FAM171B: variants seen among roughly 807,000 people sequenced by gnomAD.
The protein encoded by FAM171B is family with sequence similarity 171 member B, also known as protein FAM171B.
FAM171B carries 19 observed loss-of-function variants against 75.6 expected under a neutral mutation model. The observed-to-expected ratio is 0.25, with a 90% CI of 0.18 to 0.37. The LOEUF (loss-of-function observed/expected upper bound fraction) is 0.37, where lower values mean the gene tolerates loss of function less well. FAM171B is among the 10% of genes least tolerant of loss of function. The pLI is 1.00. For missense variants in FAM171B, 848 were observed against 982.4 expected (o/e 0.86, Z 1.83); for synonymous variants, 367 against 361.7 (o/e 1.01, Z -0.17).
chr2:186,699,925 T>A (rs7419327), intron 1 of FAM171B, among the ~76,000 whole-genome samples: 47,336 of 152,030 alleles, frequency 0.31, 8,040 homozygotes, highest in Non-Finnish European at 0.39. Flanking sequence ...TGAAAATGAG[T>A]TCACTGTAGA....
intron 4 of FAM171B, 29 bp from the exon 5 acceptor site, chr2:186,751,105 T>C (rs1382055043): frequency 1.3e-6 from 2 of 1,530,746 alleles, no homozygotes; most frequent in East Asian, 2.3e-5. Flanking sequence ...TGTTTACATA[T>C]GATTTTAATA....
intron 1 of FAM171B, among the ~76,000 whole-genome samples, chr2:186,702,126 C>T (rs973524501): frequency 9.2e-5 from 14 of 152,116 alleles, no homozygotes; most frequent in South Asian, 4.1e-4. Context: ...CTGAGAAATG[C>T]GTCATTAGGT....
intron 4 of FAM171B, among the ~76,000 whole-genome samples, chr2:186,750,081 A>G (rs1690427312): frequency 6.6e-6 from 1 of 152,210 alleles, no homozygotes. Flanking sequence ...TATTTGTTAA[A>G]TGAATGAACA....
intron 5 of FAM171B, 138 bp downstream of exon 5, chr2:186,751,442 C>A: frequency 1.5e-6 from 1 of 666,212 alleles, no homozygotes; most frequent in Non-Finnish European, 2.2e-6. Context: ...CCAAAATTGA[C>A]TTCACTTTGA....
intron 4 of FAM171B, among the ~76,000 whole-genome samples, chr2:186,748,513 C>T (rs1035316300): frequency 7.9e-5 from 12 of 152,152 alleles, no homozygotes; most frequent in African/African-American, 2.7e-4. Flanking sequence ...TGCCTGAGGG[C>T]ATTCCTTGGT....
intron 6 of FAM171B, among the ~76,000 whole-genome samples, chr2:186,756,172 T>C (rs1690528712): frequency 9.4e-6 from 1 of 105,894 alleles, no homozygotes; most frequent in Non-Finnish European, 2.2e-5. Context: ...TTCCAGATTA[T>C]TTGTTGGAAA....
At chr2:186,694,486 C>A in intron 1 of FAM171B, 75 bp downstream of exon 1, 1 of 1,502,614 alleles carries the variant, frequency 6.7e-7, no homozygotes, top group South Asian at 1.3e-5. Flanking sequence ...CTTCCTCGCC[C>A]CTTCCCTATC....
chr2:186,743,945 C>T (rs1690329819), intron 3 of FAM171B, among the ~76,000 whole-genome samples: 1 of 152,154 alleles, frequency 6.6e-6, no homozygotes, highest in South Asian at 2.1e-4. Context: ...CTCCTTCCTG[C>T]CTCCAGCATT....
chr2:186,729,038 T>A (rs1197423962), intron 1 of FAM171B, among the ~76,000 whole-genome samples: 1 of 152,186 alleles, frequency 6.6e-6, no homozygotes, highest in Admixed American at 6.5e-5. Context: ...GAATATTCCT[T>A]TATACCTATT....
intron 1 of FAM171B, among the ~76,000 whole-genome samples, chr2:186,736,826 C>T (rs944274168): frequency 4.6e-5 from 7 of 152,012 alleles, no homozygotes; most frequent in East Asian, 1.9e-4. Flanking sequence ...AATATTGAGG[C>T]TCAGTCAACA....
intron 1 of FAM171B, among the ~76,000 whole-genome samples, chr2:186,724,493 C>T (rs1393281220): frequency 6.6e-6 from 1 of 152,120 alleles, no homozygotes; most frequent in Non-Finnish European, 1.5e-5. Flanking sequence ...ATATGTTTTT[C>T]GTGTTGTTTT....
intron 6 of FAM171B, among the ~76,000 whole-genome samples, chr2:186,754,268 A>C (rs995554136): frequency 1.3e-5 from 2 of 152,200 alleles, no homozygotes; most frequent in Non-Finnish European, 2.9e-5. Context: ...TCTGTGAAGA[A>C]TGAAGTTTGT....
intron 6 of FAM171B, among the ~76,000 whole-genome samples, chr2:186,755,651 T>C (rs764680872): frequency 1.3e-5 from 2 of 152,212 alleles, no homozygotes; most frequent in African/African-American, 2.4e-5. Flanking sequence ...TCTCTAGTTT[T>C]TAAAATCAAG....
chr2:186,751,114 TA>T lies in FAM171B; in HGVS notation c.725-17del. ...CACCTCTGTTTACATATGATTTTAA[TA>T]AACTGTCTTCTTTTATAGGTTTTGA... is the stretch of plus-strand genomic sequence containing the variant. On this transcript the variant is annotated intron_variant, in intron 4 of 7. Transcript: ENST00000304698. The T allele has an allele frequency of 6.4e-7, 1 of 1,551,518 alleles. No homozygotes were observed. The highest frequency in any genetic ancestry group is 8.8e-7 in the Non-Finnish European group (1 of 1,141,714).
At chr2:186,721,645 C>T (rs905074044) in intron 1 of FAM171B, among the ~76,000 whole-genome samples, 1 of 152,058 alleles carries the variant, frequency 6.6e-6, no homozygotes, top group South Asian at 2.1e-4. Context: ...TCTCACTTTA[C>T]CTGTAATTTT....
intron 1 of FAM171B, among the ~76,000 whole-genome samples, chr2:186,726,777 GA>G (rs755141538): frequency 6.6e-6 from 1 of 151,940 alleles, no homozygotes; most frequent in African/African-American, 2.4e-5. Context: ...ATATTCTTAT[GA>G]AAAAAATTAG....
chr2:186,745,470 C>T lies in FAM171B; in HGVS notation c.566-1622C>T, dbSNP rs1239273081. On this transcript the variant is annotated intron_variant, in intron 3 of 7. Transcript: ENST00000304698. ...TACTGGCCATGCCTTGGCAGGTTTC[C>T]GTGAGAACACTGTGAGTCCTCTTGA... 3.3e-5 allele frequency among the ~76,000 whole-genome samples: 5 copies of T among 152,348 alleles called. No individual in the cohort carries two copies. In the East Asian group the frequency reaches 5.8e-4, roughly 18 times the overall value.
chr2:186,698,266 T>C (rs182331950), intron 1 of FAM171B, among the ~76,000 whole-genome samples: 1 of 152,300 alleles, frequency 6.6e-6, no homozygotes, highest in African/African-American at 2.4e-5. Flanking sequence ...ATCATAGAAA[T>C]GTCTTTTCAG....
chr2:186,701,010 A>G (rs537428694), intron 1 of FAM171B, among the ~76,000 whole-genome samples: 210 of 151,950 alleles, frequency 1.4e-3, no homozygotes, highest in African/African-American at 5.0e-3. Context: ...TCTGCGTCCC[A>G]GGCTCAAGTG....
Sources: allele counts gnomAD v4.1 joint callset (sites outside exome capture counted in the v4.1 genomes callset), GRCh38; gene constraint gnomAD v4.1.1; transcripts MANE v1.5; gene names NCBI Gene and HGNC (gene_info 2026-07-23, HGNC 2026-07-21).